Variants in ADGRA1 observed in about 807,000 individuals in gnomAD.
ADGRA1 encodes the protein G-protein coupled receptor 123.
A neutral mutation model predicts 21.3 loss-of-function variants in ADGRA1; 12 were observed. That is an observed-to-expected ratio of 0.56 (90% confidence interval 0.36 to 0.91). ADGRA1 has a LOEUF of 0.91. Ranked by LOEUF, ADGRA1 falls within the 40% of genes least tolerant of loss-of-function variation. The probability of loss-of-function intolerance (pLI) is 0.01; values close to 1 mark genes in which losing one functional copy is unlikely to be tolerated. For synonymous variants in ADGRA1, 385 were observed against 368.8 expected (o/e 1.04, Z -0.50); for missense variants, 790 against 805.6 (o/e 0.98, Z 0.23).
At chr10:133,090,496 G>A (rs1274934023) in intron 2 of ADGRA1, among the ~76,000 whole-genome samples, 1 of 152,210 alleles carries the variant, frequency 6.6e-6, no homozygotes, top group Non-Finnish European at 1.5e-5. Flanking sequence ...GTGAGGAGTT[G>A]CCCTCCCGTG....
chr10:133,128,048 G>A (rs1205115511), intron 6 of ADGRA1, among the ~76,000 whole-genome samples: 2 of 72,112 alleles, frequency 2.8e-5, no homozygotes, highest in Non-Finnish European at 5.0e-5. Context: ...TCCTGCCCCT[G>A]CCCACCCAGA....
At chr10:133,089,415 G>T (rs949947439) in intron 2 of ADGRA1, among the ~76,000 whole-genome samples, 4 of 152,222 alleles carry the variant, frequency 2.6e-5, no homozygotes, top group Non-Finnish European at 5.9e-5. Context: ...CGGCAGGCAC[G>T]GGAAGGGTGT....
chr10:133,109,001 C>T (rs935904278), intron 5 of ADGRA1, among the ~76,000 whole-genome samples: 1 of 150,020 alleles, frequency 6.7e-6, no homozygotes, highest in Non-Finnish European at 1.5e-5. Flanking sequence ...CAGCTCCACC[C>T]GTCCATCAGT....
chr10:133,090,233 G>T (rs1454517290), intron 2 of ADGRA1, among the ~76,000 whole-genome samples: 1 of 152,160 alleles, frequency 6.6e-6, no homozygotes, highest in African/African-American at 2.4e-5. Context: ...ATCCAAGAAG[G>T]GCACCACCCC....
At chr10:133,124,783 G>A (rs944201406) in intron 5 of ADGRA1, among the ~76,000 whole-genome samples, 11 of 152,376 alleles carry the variant, frequency 7.2e-5, no homozygotes, top group East Asian at 1.9e-4. Context: ...AGGGGCCCAC[G>A]TCAGGCGGTG....
Position 133,127,267 on chromosome 10 carries a change from A to G in ADGRA1, c.436A>G (p.Ile146Val). The G allele has an allele frequency of 6.3e-7, 1 of 1,594,656 alleles. No individual in the cohort carries two copies. Among genetic ancestry groups the G allele is most frequent in the South Asian group, 1.1e-5 (1 of 88,234 alleles). ...YLVSGGVPFI[I>V]CGVTAATNIR... Reference sequence around the variant, plus strand: ...CGTCAGCGGAGGGGTCCCCTTTATCATCTGTGGGGTCACGGCTGCCACGAA... The same window carrying G: ...CGTCAGCGGAGGGGTCCCCTTTATCGTCTGTGGGGTCACGGCTGCCACGAA... Residue 146 changes from isoleucine to valine, a missense_variant, in exon 6 of 7, where the codon ATC (isoleucine) becomes GTC (valine). Physicochemically the swap from Ile to Val is conservative, Grantham distance 29 (BLOSUM62 3). Transcript: ENST00000392607.
In ADGRA1 at chr10:133,129,131, G is replaced by A; in HGVS notation, c.1303G>A (p.Glu435Lys). 6.4e-7 allele frequency: 1 copy of A among 1,553,980 alleles called. No homozygotes were observed. Among genetic ancestry groups the A allele is most frequent in the Non-Finnish European group, 8.7e-7 (1 of 1,148,554 alleles). ...YFSRHPAEEPEYAYHIPSSLD... is the reference protein window; with the variant it reads ...YFSRHPAEEPKYAYHIPSSLD... ...TAGCCGGCACCCAGCAGAGGAGCCC[G>A]AGTACGCCTACCACATCCCATCCAG... The change falls in exon 7 of 7, where the codon GAG becomes AAG. Residue 435 changes from glutamate (E) to lysine (K), a missense_variant. Coordinates refer to ENST00000392607, the MANE Select transcript of ADGRA1 (RefSeq NM_001083909.3).
At chr10:133,109,768 G>A (rs1045428519) in intron 5 of ADGRA1, among the ~76,000 whole-genome samples, 5 of 152,332 alleles carry the variant, frequency 3.3e-5, no homozygotes, top group Admixed American at 6.5e-5. Context: ...AGAGACAAAC[G>A]GCAGGGATGT....
rs1021236755 is a variant in ADGRA1 at position 133,104,679 on chromosome 10, C to T, written c.401+1837C>T. On this transcript the variant is annotated intron_variant, in intron 5 of 6. Transcript: ENST00000392607. The stretch of plus-strand genomic sequence containing the variant: ...TGTGGCAGGGGGTGTCCACACAGTG[C>T]CGTGTTCCAGCTGTGTTCCTTGGTT... Among the ~76,000 whole-genome samples the T allele has an allele frequency of 1.4e-4, 21 of 152,140 alleles. 1 individual carries two copies. The highest frequency in any genetic ancestry group is 4.3e-4 in the African/African-American group (18 of 41,426).
intron 5 of ADGRA1, among the ~76,000 whole-genome samples, chr10:133,109,650 G>A (rs534723997): frequency 2.0e-5 from 3 of 152,168 alleles, no homozygotes; most frequent in African/African-American, 7.2e-5. Flanking sequence ...CAGAGCAACT[G>A]TCCCCTGACC....
intron 2 of ADGRA1, 166 bp downstream of exon 2, chr10:133,089,078 G>C (rs1851555534): frequency 8.3e-7 from 1 of 1,202,320 alleles, no homozygotes; most frequent in African/African-American, 1.6e-5. Context: ...GTGGGGGCCG[G>C]GGACAGGCCG....
At chr10:133,103,424 T>C (rs1851835339) in intron 5 of ADGRA1, among the ~76,000 whole-genome samples, 1 of 152,172 alleles carries the variant, frequency 6.6e-6, no homozygotes, top group African/African-American at 2.4e-5. Flanking sequence ...GCAGGTGTGG[T>C]CCCCCAGTGT....
intron 5 of ADGRA1, among the ~76,000 whole-genome samples, chr10:133,126,734 G>A (rs1211698273): frequency 1.3e-5 from 2 of 152,330 alleles, no homozygotes; most frequent in African/African-American, 4.8e-5. Context: ...TCCTCGGTCT[G>A]ACAGGGAGCA....
In ADGRA1 at chr10:133,127,282, G is replaced by A; in HGVS notation, c.451G>A (p.Ala151Thr). The A allele has an allele frequency of 1.2e-6, 2 of 1,600,096 alleles. No individual in the cohort carries two copies. Among genetic ancestry groups the A allele is most frequent in the Non-Finnish European group, 1.7e-6 (2 of 1,174,646 alleles). ...CCCCTTTATCATCTGTGGGGTCACG[G>A]CTGCCACGAACATCAGGAATTACGG... ...GVPFIICGVT[A>T]ATNIRNYGTE... Residue 151 changes from alanine (A) to threonine (T), a missense_variant, in exon 6 of 7, where the codon GCT becomes ACT. Ala to Thr is a moderately conservative substitution (Grantham distance 58, BLOSUM62 0). Coordinates refer to ENST00000392607, the MANE Select transcript of ADGRA1 (RefSeq NM_001083909.3).
intron 4 of ADGRA1, chr10:133,102,287 C>A (rs540247858): frequency 2.0e-6 from 1 of 499,280 alleles, no homozygotes; most frequent in South Asian, 1.5e-5. Flanking sequence ...AGCATCCTGG[C>A]GTGACCCCAC....
chr10:133,095,910 C>A, intron 2 of ADGRA1: 2 of 1,217,228 alleles, frequency 1.6e-6, no homozygotes, highest in South Asian at 1.6e-5. Context: ...AGGGCAGCAT[C>A]CATGGCGTGG....
At chr10:133,103,089 C>A (rs1487913831) in intron 5 of ADGRA1, among the ~76,000 whole-genome samples, 3 of 151,960 alleles carry the variant, frequency 2.0e-5, no homozygotes, top group Non-Finnish European at 4.4e-5. Flanking sequence ...GCAGAGGGGG[C>A]CCTGAGGGTG....
chr10:133,092,931 G>A, intron 2 of ADGRA1: 1 of 1,558,116 alleles, frequency 6.4e-7, no homozygotes, highest in Non-Finnish European at 8.6e-7. Flanking sequence ...GAAGCACCTG[G>A]GAGGATATGT....
chr10:133,123,887 C>T (rs1352069946), intron 5 of ADGRA1, among the ~76,000 whole-genome samples: 1 of 152,206 alleles, frequency 6.6e-6, no homozygotes, highest in Non-Finnish European at 1.5e-5. Flanking sequence ...GGGCAGTCTC[C>T]ACCATTCACC....
Sources: allele counts gnomAD v4.1 joint callset (sites outside exome capture counted in the v4.1 genomes callset), GRCh38; gene constraint gnomAD v4.1.1; transcripts MANE v1.5; gene names NCBI Gene and HGNC (gene_info 2026-07-23, HGNC 2026-07-21).